Variants in CDH18 observed in about 807,000 individuals in gnomAD.
The protein encoded by CDH18 is cadherin 18.
CDH18 carries 31 observed loss-of-function variants against 67.9 expected under a neutral mutation model. The ratio of observed to expected loss-of-function variants is 0.46; its 90% CI spans 0.34 to 0.62. The LOEUF is 0.62. Ranked by LOEUF, CDH18 falls within the 20% of genes least tolerant of loss-of-function variation. The pLI, the probability that CDH18 is intolerant of heterozygous loss-of-function variation, is 0.01. For missense variants in CDH18, 890 were observed against 975.5 expected (o/e 0.91, Z 1.17); for synonymous variants, 362 against 347.2 (o/e 1.04, Z -0.48).
At chr5:20,442,253 A>T (rs777968407) in intron 1 of CDH18, among the ~76,000 whole-genome samples, 2 of 151,908 alleles carry the variant, frequency 1.3e-5, no homozygotes, top group Non-Finnish European at 2.9e-5. Context: ...AAGGAAACTC[A>T]AACTGTTTTA....
rs151161551 is a variant in CDH18, at chr5:20,369,128, A to AT, written c.-579-113624dup. Among the ~76,000 whole-genome samples the AT allele has an allele frequency of 0.02, 2,968 of 149,782 alleles. 247 individuals carry two copies. The East Asian group carries it at 0.3, about 15-fold the overall frequency. ...GAGCTTTAGAAATCCCGGAAAATTG[A>AT]TTTTTTTTTTCCCTTGGATAGAGGC... On this transcript the variant is annotated intron_variant, in intron 1 of 14. Transcript: ENST00000507958.
chr5:20,013,405 G>C (rs1737625524), intron 2 of CDH18, among the ~76,000 whole-genome samples: 4 of 152,056 alleles, frequency 2.6e-5, no homozygotes, highest in Admixed American at 2.6e-4. Flanking sequence ...TTACGACCCT[G>C]ATAAGTTATC....
intron 2 of CDH18, among the ~76,000 whole-genome samples, chr5:20,014,758 C>T (rs964458488): frequency 1.1e-4 from 16 of 152,158 alleles, no homozygotes; most frequent in Middle Eastern, 3.4e-3. Flanking sequence ...TCTGAGTAAG[C>T]GCCATTCAGA....
chr5:20,482,787 G>A (rs1338969839), intron 1 of CDH18, among the ~76,000 whole-genome samples: 1 of 151,948 alleles, frequency 6.6e-6, no homozygotes, highest in Non-Finnish European at 1.5e-5. Flanking sequence ...ACCAATAAAA[G>A]CCGTATTCAA....
intron 8 of CDH18, among the ~76,000 whole-genome samples, chr5:19,544,428 C>A (rs1735967189): frequency 6.6e-6 from 1 of 151,978 alleles, no homozygotes; most frequent in Non-Finnish European, 1.5e-5. Context: ...CTTGAAATTT[C>A]ATTGTAGCTA....
intron 5 of CDH18, among the ~76,000 whole-genome samples, chr5:19,678,650 C>T (rs1759834327): frequency 6.6e-6 from 1 of 151,670 alleles, no homozygotes; most frequent in African/African-American, 2.4e-5. Context: ...TACCAAATAC[C>T]TTCCTAGACT....
chr5:19,782,600 G>A (rs572054352), intron 3 of CDH18, among the ~76,000 whole-genome samples: 9 of 152,294 alleles, frequency 5.9e-5, no homozygotes, highest in Non-Finnish European at 1.2e-4. Flanking sequence ...AGGGCAGCAC[G>A]ATGGTGATTA....
chr5:19,537,699 A>T (rs960929420), intron 9 of CDH18, among the ~76,000 whole-genome samples: 1 of 152,026 alleles, frequency 6.6e-6, no homozygotes, highest in Non-Finnish European at 1.5e-5. Flanking sequence ...ATCCCTAAAA[A>T]ATCCTCTTTC....
chr5:19,973,675 C>A lies in CDH18; in HGVS notation c.-257+7385G>T, dbSNP rs138265512. On this transcript the variant is annotated intron_variant, in intron 2 of 12. Coordinates refer to ENST00000382275, the MANE Select transcript of CDH18 (RefSeq NM_004934.5). The stretch of plus-strand genomic sequence containing the variant: ...TGAGAAGAGCATGAAGGACAAGAAG[C>A]TTACCATAAAAAATATGAGAGAAGG... Among the ~76,000 whole-genome samples the A allele has an allele frequency of 9.1e-4, 139 of 152,178 alleles. 1 individual carries two copies. The East Asian group carries it at 0.014, about 15-fold the overall frequency.
chr5:20,289,476 G>T (rs1231831428), intron 1 of CDH18, among the ~76,000 whole-genome samples: 1 of 151,884 alleles, frequency 6.6e-6, no homozygotes, highest in Non-Finnish European at 1.5e-5. Context: ...ATTTTCATGG[G>T]TATCTGTTGT....
At chr5:19,931,636 T>C (rs1793707851) in intron 2 of CDH18, among the ~76,000 whole-genome samples, 1 of 151,900 alleles carries the variant, frequency 6.6e-6, no homozygotes, top group Admixed American at 6.6e-5. Flanking sequence ...TTATTAATAT[T>C]TGTTTATTGG....
chr5:19,715,602 C>T (rs1765247912), intron 5 of CDH18, among the ~76,000 whole-genome samples: 1 of 152,020 alleles, frequency 6.6e-6, no homozygotes, highest in Admixed American at 6.6e-5. Context: ...TCTTATTTAT[C>T]ATGTTTGTAA....
intron 2 of CDH18, among the ~76,000 whole-genome samples, chr5:20,183,433 T>C (rs765852907): frequency 1.2e-4 from 18 of 152,028 alleles, no homozygotes; most frequent in Non-Finnish European, 1.9e-4. Flanking sequence ...AATTACACAT[T>C]TATATGTATA....
At chr5:20,005,488 A>C (rs1405660808) in intron 2 of CDH18, among the ~76,000 whole-genome samples, 1 of 151,668 alleles carries the variant, frequency 6.6e-6, no homozygotes, top group Non-Finnish European at 1.5e-5. Context: ...TGATTAAATA[A>C]GTTTGAGAAA....
intron 2 of CDH18, among the ~76,000 whole-genome samples, chr5:20,188,450 T>C (rs1738273913): frequency 6.6e-6 from 1 of 152,034 alleles, no homozygotes; most frequent in African/African-American, 2.4e-5. Context: ...ACCATTTTCA[T>C]CATCAGCAGC....
intron 2 of CDH18, among the ~76,000 whole-genome samples, chr5:19,904,503 T>C (rs1437862916): frequency 6.6e-6 from 1 of 151,948 alleles, no homozygotes; most frequent in East Asian, 1.9e-4. Flanking sequence ...TAAGTATCTA[T>C]GCCTACCTTA....
At chr5:19,770,150 C>T (rs1465766582) in intron 3 of CDH18, among the ~76,000 whole-genome samples, 2 of 151,966 alleles carry the variant, frequency 1.3e-5, no homozygotes, top group East Asian at 3.9e-4. Context: ...TTTTGATAAG[C>T]ATTTGTCAAT....
Position 19,957,521 on chromosome 5 carries a change from T to C in CDH18, c.-257+23539A>G, listed in dbSNP as rs113890815. On this transcript the variant is annotated intron_variant, in intron 2 of 12. Transcript: ENST00000382275. ...CTTTTCTAAGTTTTCAATTAAGATG[T>C]ACATTGCAGTTAGTATGACCAAAAT... is the stretch of plus-strand genomic sequence containing the variant. Among the ~76,000 whole-genome samples the C allele has an allele frequency of 1.4e-3, 207 of 152,008 alleles. 1 individual carries two copies. The highest frequency in any genetic ancestry group is 4.7e-3 in the African/African-American group (193 of 41,472).
intron 11 of CDH18, among the ~76,000 whole-genome samples, chr5:19,497,243 A>G (rs531770854): frequency 1.5e-4 from 23 of 152,316 alleles, no homozygotes. Flanking sequence ...AATGTTAAAA[A>G]TAAAGAATTT....
Sources: allele counts gnomAD v4.1 joint callset (sites outside exome capture counted in the v4.1 genomes callset), GRCh38; gene constraint gnomAD v4.1.1; transcripts MANE v1.5; gene names NCBI Gene and HGNC (gene_info 2026-07-23, HGNC 2026-07-21).